AOPEP: variants seen among roughly 807,000 people sequenced by gnomAD.
The protein encoded by AOPEP is aminopeptidase O.
A neutral mutation model predicts 98.1 loss-of-function variants in AOPEP; 77 were observed. The observed-to-expected ratio is 0.78, with a 90% CI of 0.65 to 0.95. AOPEP has a LOEUF of 0.95. Ranked by LOEUF, AOPEP falls within the 40% of genes least tolerant of loss-of-function variation. AOPEP has a pLI of 0.00. For missense variants in AOPEP, 1,024 were observed against 1,024.7 expected (o/e 1.00, Z 0.01); for synonymous variants, 346 against 365.3 (o/e 0.95, Z 0.60).
intron 10 of AOPEP, 67 bp downstream of exon 10, chr9:94,967,868 T>A: frequency 7.6e-7 from 1 of 1,318,470 alleles, no homozygotes; most frequent in Non-Finnish European, 1.1e-6. Context: ...ACATTGCCAT[T>A]GGTTGGCTTG....
chr9:94,740,938 T>A (rs1832924882), intron 1 of AOPEP, among the ~76,000 whole-genome samples: 1 of 152,230 alleles, frequency 6.6e-6, no homozygotes, highest in Non-Finnish European at 1.5e-5. Context: ...TGGCGCTTAA[T>A]AAGAACTCAG....
At chr9:94,863,573 G>A (rs1200596797) in intron 5 of AOPEP, among the ~76,000 whole-genome samples, 4 of 152,048 alleles carry the variant, frequency 2.6e-5, no homozygotes, top group South Asian at 4.1e-4. Flanking sequence ...ATGCCACAAC[G>A]CCCAGCTAAT....
chr9:95,002,914 G>A (rs1413069381), intron 11 of AOPEP, among the ~76,000 whole-genome samples: 3 of 152,168 alleles, frequency 2.0e-5, no homozygotes, highest in African/African-American at 7.2e-5. Flanking sequence ...GAGACAAGAG[G>A]CAATTAGGAT....
At chr9:95,101,400 C>G in the AOPEP span, 5 of 445,740 alleles carry the variant, frequency 1.1e-5, no homozygotes, top group East Asian at 1.9e-4. Flanking sequence ...AACTAGAAAC[C>G]TGTTCTCCCA....
intron 7 of AOPEP, among the ~76,000 whole-genome samples, chr9:94,943,143 CTT>C (rs752106587): frequency 2.0e-5 from 3 of 152,110 alleles, no homozygotes. Context: ...AAATTAAAAA[CTT>C]TTGTGCGACA....
chr9:94,775,911 G>A (rs191990959), intron 3 of AOPEP, among the ~76,000 whole-genome samples: 29 of 152,042 alleles, frequency 1.9e-4, no homozygotes, highest in Non-Finnish European at 2.6e-4. Flanking sequence ...GTGTGAATCC[G>A]GGGCTTGCAG....
At chr9:94,842,381 A>G (rs866573226) in intron 5 of AOPEP, among the ~76,000 whole-genome samples, 64 of 152,236 alleles carry the variant, frequency 4.2e-4, no homozygotes, top group Middle Eastern at 3.4e-3. Context: ...AAAAACAACA[A>G]CAAACAAACA....
At chr9:94,887,327 G>A (rs988892541) in intron 5 of AOPEP, among the ~76,000 whole-genome samples, 6 of 151,884 alleles carry the variant, frequency 4.0e-5, no homozygotes, top group Non-Finnish European at 7.4e-5. Flanking sequence ...CAGCCTAGGC[G>A]ACAGAGCCAG....
At chr9:95,102,205 G>A in the AOPEP span, among the ~76,000 whole-genome samples, 138 of 152,314 alleles carry the variant, frequency 9.1e-4, no homozygotes, top group African/African-American at 2.8e-3. Flanking sequence ...GGGGAACAAA[G>A]GCAAATGAGC....
intron 7 of AOPEP, among the ~76,000 whole-genome samples, chr9:94,939,125 G>A (rs919347358): frequency 2.0e-5 from 3 of 152,018 alleles, no homozygotes; most frequent in African/African-American, 7.2e-5. Context: ...GCAGGCGCCT[G>A]TAGTCCCACC....
chr9:94,802,910 C>T (rs1370618338), intron 5 of AOPEP, among the ~76,000 whole-genome samples: 1 of 152,244 alleles, frequency 6.6e-6, no homozygotes, highest in Non-Finnish European at 1.5e-5. Flanking sequence ...CAAACTCTGG[C>T]TTCAATTGAT....
intron 5 of AOPEP, among the ~76,000 whole-genome samples, chr9:94,827,294 A>G (rs1854846678): frequency 6.6e-6 from 1 of 152,100 alleles, no homozygotes; most frequent in Non-Finnish European, 1.5e-5. Flanking sequence ...CTTTTTAACA[A>G]CTCTGTAAAG....
chr9:95,085,618 TG>T, intron 16 of AOPEP: 1 of 398,310 alleles, frequency 2.5e-6, no homozygotes, highest in South Asian at 1.8e-5. Context: ...ACAGTCAGCT[TG>T]GGTGCGGAGC....
chr9:95,001,779 C>T (rs1014051627), intron 11 of AOPEP, among the ~76,000 whole-genome samples: 1 of 151,942 alleles, frequency 6.6e-6, no homozygotes, highest in African/African-American at 2.4e-5. Flanking sequence ...TCGTTATTTA[C>T]TTATTAATAT....
intron 13 of AOPEP, among the ~76,000 whole-genome samples, chr9:95,018,139 G>A (rs1426623446): frequency 6.6e-6 from 1 of 152,056 alleles, no homozygotes. Flanking sequence ...ATTTCTCTTG[G>A]GTGGGTACCT....
intron 5 of AOPEP, among the ~76,000 whole-genome samples, chr9:94,862,449 A>G (rs2045150910): frequency 6.6e-6 from 1 of 152,160 alleles, no homozygotes; most frequent in Non-Finnish European, 1.5e-5. Flanking sequence ...ATGTCCTGAG[A>G]AAAGGGAGGG....
the AOPEP span, chr9:95,100,635 C>G: frequency 8.7e-6 from 2 of 229,974 alleles, no homozygotes; most frequent in East Asian, 1.2e-4. Flanking sequence ...ATTACACTAA[C>G]AATGCCTTTT....
At chr9:95,031,531 A>G (rs545278882) in intron 13 of AOPEP, among the ~76,000 whole-genome samples, 4 of 152,192 alleles carry the variant, frequency 2.6e-5, no homozygotes, top group Non-Finnish European at 5.9e-5. Flanking sequence ...CCATCTATCA[A>G]AGCACAAGAG....
the AOPEP span, chr9:95,150,157 T>C: frequency 3.5e-5 from 54 of 1,561,854 alleles, 1 homozygote; most frequent in African/African-American, 6.8e-4. Context: ...ATAAAAACCT[T>C]CATGCTAAAA....
Sources: allele counts gnomAD v4.1 joint callset (sites outside exome capture counted in the v4.1 genomes callset), GRCh38; gene constraint gnomAD v4.1.1; transcripts MANE v1.5; gene names NCBI Gene and HGNC (gene_info 2026-07-23, HGNC 2026-07-21).